The following BCL9 variants were observed in gnomAD, a reference collection of about 807,000 sequenced individuals.
BCL9 encodes BCL9 transcription coactivator, also known as B-cell CLL/lymphoma 9 protein.
A neutral mutation model predicts 88.5 loss-of-function variants in BCL9; 25 were observed. The observed-to-expected ratio is 0.28, with a 90% confidence interval of 0.21 to 0.39. The LOEUF (loss-of-function observed/expected upper bound fraction) is 0.39, where lower values mean the gene tolerates loss of function less well. BCL9 is among the 10% of genes least tolerant of loss of function. The probability of loss-of-function intolerance (pLI) is 1.00; values close to 1 mark genes in which losing one functional copy is unlikely to be tolerated. For missense variants in BCL9, 1,817 were observed against 1,877.8 expected, an observed-to-expected ratio of 0.97 and a Z score of 0.60; for synonymous variants, 711 against 673.3, an observed-to-expected ratio of 1.06 and a Z score of -0.87.
intron 1 of BCL9, among the ~76,000 whole-genome samples, chr1:147,592,873 C>T (rs587707045): frequency 3.2e-4 from 48 of 152,200 alleles, no homozygotes; most frequent in South Asian, 1.5e-3. Flanking sequence ...CAGTACTCCA[C>T]TTTATGGGGG....
Position 147,612,288 on chromosome 1 carries a change from C to T in BCL9, c.53+399C>T, listed in dbSNP as rs72700316. On this transcript the variant is annotated intron_variant, in intron 4 of 9. Transcript: ENST00000234739. Reference sequence around the variant, plus strand: ...GACTCCCACTGTGACACTTTTTCCTCGGTTTCACAGTAGTTAAATTGTTAC... The same window carrying T: ...GACTCCCACTGTGACACTTTTTCCTTGGTTTCACAGTAGTTAAATTGTTAC... 1.8e-3 allele frequency among the ~76,000 whole-genome samples: 280 copies of T among 152,280 alleles called. 1 individual carries two copies. The highest frequency in any genetic ancestry group is 3.4e-3 in the Middle Eastern group (1 of 294).
chr1:147,596,781 ACT>A (rs1380604395), intron 1 of BCL9, among the ~76,000 whole-genome samples: 8 of 151,522 alleles, frequency 5.3e-5, no homozygotes, highest in Admixed American at 2.6e-4. Flanking sequence ...ATTATTAATG[ACT>A]CTCTTGGTAG....
chr1:147,611,958 T>C (rs1658028702), intron 4 of BCL9, 69 bp downstream of exon 4: 3 of 1,452,352 alleles, frequency 2.1e-6, no homozygotes, highest in East Asian at 2.3e-5. Context: ...TGAACACTCA[T>C]TGGTGAAACA....
At position 147,610,021 on chromosome 1, in the gene BCL9, C is replaced by T. The variant is rs587745456; in HGVS notation, c.-259-1557C>T. ...TATAGGTGGTAACTGCTTTTCTTTT[C>T]CTGAGGTAAATGTTTTCTGATGGCT... On this transcript the variant is annotated intron_variant, in intron 3 of 9. Transcript: ENST00000234739. 3.9e-5 allele frequency among the ~76,000 whole-genome samples: 6 copies of T among 152,172 alleles called. No individual in the cohort carries two copies. In the South Asian group the frequency reaches 1.2e-3, roughly 32 times the overall value.
At chr1:147,559,681 A>G (rs587691880) in intron 1 of BCL9, among the ~76,000 whole-genome samples, 2 of 152,290 alleles carry the variant, frequency 1.3e-5, no homozygotes, top group East Asian at 3.9e-4. Context: ...TTTGACCCCA[A>G]GGAGCCAAAT....
Position 147,545,642 on chromosome 1 carries a change from A to T in BCL9, c.-478+3968A>T, listed in dbSNP as rs144090457. ...CTGCTGAAAGTAAAACCAACACAACATGCAGGACATTCCCAAAACTCACTA... is the reference window on the plus strand; with the variant it reads ...CTGCTGAAAGTAAAACCAACACAACTTGCAGGACATTCCCAAAACTCACTA... On this transcript the variant is annotated intron_variant, in intron 1 of 9. Coordinates refer to ENST00000234739, the MANE Select transcript of BCL9 (RefSeq NM_004326.4). 4.9e-3 allele frequency among the ~76,000 whole-genome samples: 743 copies of T among 152,278 alleles called. 6 individuals are homozygous for T. Among genetic ancestry groups the T allele is most frequent in the African/African-American group, 0.017 (688 of 41,552 alleles).
intron 1 of BCL9, among the ~76,000 whole-genome samples, chr1:147,585,053 C>A (rs1553199031): frequency 6.6e-6 from 1 of 152,160 alleles, no homozygotes; most frequent in African/African-American, 2.4e-5. Context: ...CCCAACCCAA[C>A]CTTGGTTCAT....
chr1:147,599,846 C>T (rs1316075717), intron 1 of BCL9, among the ~76,000 whole-genome samples: 1 of 150,598 alleles, frequency 6.6e-6, no homozygotes, highest in African/African-American at 2.4e-5. Flanking sequence ...CGGGAGGAGG[C>T]CGCGGCGGGT....
intron 1 of BCL9, among the ~76,000 whole-genome samples, chr1:147,577,767 C>A (rs1656174670): frequency 6.6e-6 from 1 of 151,810 alleles, no homozygotes; most frequent in Non-Finnish European, 1.5e-5. Context: ...AAGGCCCCTT[C>A]TGTCTTTGCC....
intron 1 of BCL9, among the ~76,000 whole-genome samples, chr1:147,560,202 G>A (rs1655312632): frequency 6.6e-6 from 1 of 152,206 alleles, no homozygotes; most frequent in South Asian, 2.1e-4. Context: ...CCCAAGGTGA[G>A]TGTCAAATGC....
At chr1:147,607,799 C>T (rs1361342984) in intron 3 of BCL9, among the ~76,000 whole-genome samples, 1 of 152,154 alleles carries the variant, frequency 6.6e-6, no homozygotes, top group African/African-American at 2.4e-5. Flanking sequence ...GAAGGCTATA[C>T]ACAGAATTGA....
chr1:147,619,412 A>G lies in BCL9; in HGVS notation c.1257A>G (p.Gly419=), dbSNP rs1457998890. The G allele has an allele frequency of 1.9e-6, 3 of 1,613,960 alleles. No homozygotes were observed. In the African/African-American group the frequency reaches 4.0e-5, roughly 22 times the overall value. ...MMAQSQSLGK[G]PGPRTDVGAP... Reference sequence around the variant, plus strand: ...CCCAATCCCAAAGCCTAGGTAAGGGACCTGGGCCCCGGACAGACGTGGGAG... The same window carrying G: ...CCCAATCCCAAAGCCTAGGTAAGGGGCCTGGGCCCCGGACAGACGTGGGAG... Residue 419 remains glycine (G), a synonymous_variant, in exon 8 of 10, where the codon GGA becomes GGG. Transcript: ENST00000234739. The surrounding 1 kb of genome is among the most constrained non-coding windows in gnomAD (Gnocchi z 4.1).
At chr1:147,583,607 T>G (rs981953929) in intron 1 of BCL9, among the ~76,000 whole-genome samples, 1 of 152,140 alleles carries the variant, frequency 6.6e-6, no homozygotes, top group African/African-American at 2.4e-5. Context: ...TTTTATGATT[T>G]TTTTTTACAT....
chr1:147,616,340 CAG>C (rs1658284397), intron 7 of BCL9, among the ~76,000 whole-genome samples: 1 of 152,170 alleles, frequency 6.6e-6, no homozygotes, highest in Non-Finnish European at 1.5e-5. Flanking sequence ...CATCGACTTT[CAG>C]AGTGATTCAT....
At position 147,619,914 on chromosome 1, in the gene BCL9, C is replaced by T. The variant is rs782616218; in HGVS notation, c.1759C>T (p.Leu587Phe). The change falls in exon 8 of 10, where the codon CTT becomes TTT. Residue 587 changes from leucine to phenylalanine, a missense_variant. By Grantham distance (22) the Leu-to-Phe change is conservative. Coordinates refer to ENST00000234739, the MANE Select transcript of BCL9 (RefSeq NM_004326.4). This position sits in a 1 kb window ranked among gnomAD's most constrained non-coding sequence, Gnocchi z 4.1. ...NVPNPASRPG[L>F]SGVSWPDDVP... ...CCCCAACCCTGCATCTAGACCAGGT[C>T]TTTCTGGAGTCAGTTGGCCAGATGA... The T allele has an allele frequency of 1.2e-6, 2 of 1,614,206 alleles. No individual in the cohort carries two copies. The highest frequency in any genetic ancestry group is 1.7e-5 in the Admixed American group (1 of 60,034).
At position 147,625,916 on chromosome 1, in the gene BCL9, T is replaced by C. The variant is rs1658923910; in HGVS notation, c.*957T>C. The C allele has an allele frequency of 4.3e-6, 1 of 233,018 alleles. No homozygotes were observed. Among genetic ancestry groups the C allele is most frequent in the South Asian group, 1.8e-4 (1 of 5,528 alleles). 14.4% of individuals were successfully genotyped at this position (233,018 alleles called of 1,614,324 possible). A position where few individuals can be genotyped will look rare whatever the true frequency, so the allele number is the denominator to read the frequency against. On this transcript the variant is annotated 3_prime_UTR_variant, in exon 10 of 10. Coordinates refer to ENST00000234739, the MANE Select transcript of BCL9 (RefSeq NM_004326.4). Reference sequence around the variant, plus strand: ...GAGAGGGAAAGGTCTGTCCTTGGGATGCTCTCTGGTCTTTTTTCCCCCTAA... The same window carrying C: ...GAGAGGGAAAGGTCTGTCCTTGGGACGCTCTCTGGTCTTTTTTCCCCCTAA...
chr1:147,578,948 C>A (rs1553198347), intron 1 of BCL9, among the ~76,000 whole-genome samples: 1 of 152,028 alleles, frequency 6.6e-6, no homozygotes, highest in Non-Finnish European at 1.5e-5. Context: ...TCACTGCAAC[C>A]TCTGCCTCCT....
chr1:147,542,429 G>A (rs1202016838), intron 1 of BCL9, among the ~76,000 whole-genome samples: 3 of 152,228 alleles, frequency 2.0e-5, no homozygotes, highest in South Asian at 2.1e-4. Context: ...GATGCTGTAT[G>A]CCTCCCTGGG....
chr1:147,615,744 A>G, intron 6 of BCL9, 59 bp from the exon 7 acceptor site: 1 of 1,401,140 alleles, frequency 7.1e-7, no homozygotes, highest in Non-Finnish European at 1.0e-6. Context: ...GTGCTTTGGA[A>G]TTACAGTTAG....
Sources: allele counts gnomAD v4.1 joint callset (sites outside exome capture counted in the v4.1 genomes callset), GRCh38; gene constraint gnomAD v4.1.1; non-coding constraint Gnocchi (gnomAD v3.1); transcripts MANE v1.5; gene names NCBI Gene and HGNC (gene_info 2026-07-23, HGNC 2026-07-21).